The following ZFHX3 variants were observed in gnomAD, a reference collection of about 807,000 sequenced individuals.
ZFHX3 encodes zinc finger homeobox protein 3.
In ZFHX3, 42 loss-of-function variants were observed where a neutral mutation model predicts 279.1. That is an observed-to-expected ratio of 0.15 (90% CI 0.12 to 0.19). ZFHX3 has a LOEUF of 0.19. Ranked by LOEUF, ZFHX3 falls within the 10% of genes least tolerant of loss-of-function variation. The pLI is 1.00. For missense variants in ZFHX3, 4,981 were observed against 4,754.0 expected (o/e 1.05, Z -1.40); for synonymous variants, 2,293 against 1,957.8 (o/e 1.17, Z -4.52).
chr16:73,869,016 A>T (rs1372257755), intron 1 of ZFHX3, among the ~76,000 whole-genome samples: 1 of 152,186 alleles, frequency 6.6e-6, no homozygotes, highest in Non-Finnish European at 1.5e-5. Context: ...TGATCAATTT[A>T]AACTAGGAGG....
At chr16:73,265,043 G>A (rs1241218657) in intron 4 of ZFHX3, among the ~76,000 whole-genome samples, 2 of 132,686 alleles carry the variant, frequency 1.5e-5, no homozygotes, top group Non-Finnish European at 3.2e-5. Flanking sequence ...TAACACCTCA[G>A]CGCATATATA....
intron 5 of ZFHX3, among the ~76,000 whole-genome samples, chr16:73,210,581 G>C (rs981149623): frequency 1.3e-5 from 2 of 152,082 alleles, no homozygotes; most frequent in Non-Finnish European, 2.9e-5. Flanking sequence ...TATTCCTATT[G>C]ACCTGAATTC....
At chr16:72,967,740 C>T (rs1419444267) in intron 1 of ZFHX3, among the ~76,000 whole-genome samples, 4 of 150,292 alleles carry the variant, frequency 2.7e-5, no homozygotes, top group Non-Finnish European at 4.4e-5. Context: ...CACGGTGAAA[C>T]CCCGTCTCTA....
chr16:72,937,718 C>T (rs1282988065), intron 3 of ZFHX3, among the ~76,000 whole-genome samples: 1 of 152,222 alleles, frequency 6.6e-6, no homozygotes, highest in Non-Finnish European at 1.5e-5. Flanking sequence ...CTCTCTGTTC[C>T]ACTTCTACCA....
At chr16:73,300,019 T>G (rs186066680) in intron 4 of ZFHX3, among the ~76,000 whole-genome samples, 288 of 152,346 alleles carry the variant, frequency 1.9e-3, no homozygotes, top group Non-Finnish European at 3.5e-3. Context: ...CTTTTTTCAG[T>G]TAACAAGTTT....
intron 3 of ZFHX3, among the ~76,000 whole-genome samples, chr16:73,365,631 A>T (rs192716788): frequency 6.6e-6 from 1 of 151,496 alleles, no homozygotes; most frequent in East Asian, 2.0e-4. Flanking sequence ...GTTCTGCTTC[A>T]GGAACTTACA....
At chr16:72,988,190 T>C (rs1962926188) in intron 1 of ZFHX3, among the ~76,000 whole-genome samples, 1 of 152,232 alleles carries the variant, frequency 6.6e-6, no homozygotes. Flanking sequence ...CCATTAGCTC[T>C]AATTTGACCT....
At chr16:73,749,689 A>G (rs1352570872) in intron 1 of ZFHX3, among the ~76,000 whole-genome samples, 2 of 152,306 alleles carry the variant, frequency 1.3e-5, no homozygotes, top group South Asian at 2.1e-4. Context: ...AAAAGGCAGG[A>G]CACCAATGCC....
rs1202247199 is a variant in ZFHX3, at chr16:72,784,276, CAAAA to C, written c.*2884_*2887del. 6.7e-6 allele frequency: 1 copy of C among 148,322 alleles called. No individual in the cohort carries two copies. The highest frequency in any genetic ancestry group is 2.0e-4 in the East Asian group (1 of 5,090). The allele number at this position is 148,322 out of a possible 1,614,324, so 9.2% of individuals were successfully genotyped here. A position where few individuals can be genotyped will look rare whatever the true frequency, so the allele number is the denominator to read the frequency against. ...TGAAAAAAAAAAACAAAAACAAAAA[CAAAA>C]ACCCAAACCATCAGGGAGGGGGCAG... On this transcript the variant is annotated 3_prime_UTR_variant, in exon 10 of 10. Transcript: ENST00000268489.
chr16:73,729,840 G>T (rs1485539337), intron 1 of ZFHX3, among the ~76,000 whole-genome samples: 1 of 152,180 alleles, frequency 6.6e-6, no homozygotes, highest in African/African-American at 2.4e-5. Flanking sequence ...CAAGGAAGAA[G>T]AATCTAGACT....
At chr16:73,814,223 C>A (rs1443931125) in intron 1 of ZFHX3, among the ~76,000 whole-genome samples, 2 of 152,116 alleles carry the variant, frequency 1.3e-5, no homozygotes, top group Non-Finnish European at 1.5e-5. Flanking sequence ...CCTCTCCCAC[C>A]CCCACCATTG....
At chr16:73,263,207 T>A (rs76402257) in intron 4 of ZFHX3, among the ~76,000 whole-genome samples, 2 of 151,916 alleles carry the variant, frequency 1.3e-5, no homozygotes, top group East Asian at 3.9e-4. Flanking sequence ...TTTTTTTTTT[T>A]AATTTAGAGA....
intron 5 of ZFHX3, among the ~76,000 whole-genome samples, chr16:73,172,988 G>GTTTTTTTTTTTTTTTTT (rs1296855983): frequency 2.2e-5 from 1 of 46,170 alleles, no homozygotes; most frequent in African/African-American, 1.2e-4. Context: ...TGATGGGACT[G>GTTTTTTTTTTTTTTTTT]TTTTTTTGTT....
intron 1 of ZFHX3, among the ~76,000 whole-genome samples, chr16:73,716,189 A>G (rs1472598149): frequency 6.6e-6 from 1 of 151,004 alleles, no homozygotes; most frequent in Non-Finnish European, 1.5e-5. Flanking sequence ...AGTTTAGGGG[A>G]GGGAATGGGT....
intron 1 of ZFHX3, among the ~76,000 whole-genome samples, chr16:73,039,879 C>A (rs796621309): frequency 1.3e-5 from 2 of 151,652 alleles, no homozygotes; most frequent in Non-Finnish European, 2.9e-5. Flanking sequence ...AGGGGACATC[C>A]CTTTGCAAAA....
intron 3 of ZFHX3, among the ~76,000 whole-genome samples, chr16:73,374,198 A>G (rs1290724595): frequency 3.3e-5 from 5 of 152,234 alleles, no homozygotes; most frequent in Admixed American, 6.5e-5. Flanking sequence ...AAAGAATGAC[A>G]TGTTTGGAAT....
At chr16:73,567,797 C>G (rs1280596513) in intron 2 of ZFHX3, among the ~76,000 whole-genome samples, 1 of 152,152 alleles carries the variant, frequency 6.6e-6, no homozygotes, top group Admixed American at 6.5e-5. Flanking sequence ...TATTGTATAC[C>G]TTCGAATTTT....
At chr16:72,850,787 A>G (rs1048345915) in intron 4 of ZFHX3, among the ~76,000 whole-genome samples, 2 of 152,180 alleles carry the variant, frequency 1.3e-5, no homozygotes, top group African/African-American at 4.8e-5. Context: ...TGTTTCTAAA[A>G]GCCTAAAATT....
At chr16:73,806,222 T>G (rs76922768) in intron 1 of ZFHX3, among the ~76,000 whole-genome samples, 55,731 of 152,050 alleles carry the variant, frequency 0.37, 10,970 homozygotes, top group South Asian at 0.57. Flanking sequence ...TTATTACAAT[T>G]CAAGGTGAGA....
Sources: gnomAD v4.1 joint callset for allele counts (sites outside exome capture counted in the v4.1 genomes callset) on GRCh38, gnomAD v4.1.1 for gene constraint, MANE v1.5 for transcripts, NCBI Gene and HGNC (gene_info 2026-07-23, HGNC 2026-07-21) for gene names.